The following CSMD1 variants were observed in gnomAD, a reference collection of about 807,000 sequenced individuals.
CSMD1 encodes the protein CUB and Sushi multiple domains 1, also known as CUB and sushi domain-containing protein 1.
A neutral mutation model predicts 417.5 loss-of-function variants in CSMD1; 213 were observed. The ratio of observed to expected loss-of-function variants is 0.51; its 90% CI spans 0.46 to 0.57. CSMD1 has a LOEUF of 0.57. CSMD1 is among the 20% of genes least tolerant of loss of function. CSMD1 has a pLI of 0.00. For missense variants in CSMD1, 6,923 were observed against 4,529.7 expected, an observed-to-expected ratio of 1.53 and a Z score of -15.17; for synonymous variants, 2,862 against 1,736.8, an observed-to-expected ratio of 1.65 and a Z score of -16.11.
chr8:4,290,680 C>G (rs1797312045), intron 3 of CSMD1, among the ~76,000 whole-genome samples: 1 of 152,158 alleles, frequency 6.6e-6, no homozygotes, highest in Admixed American at 6.5e-5. Flanking sequence ...TAAGTAGCAG[C>G]TTCAACTACA....
chr8:4,205,484 A>C (rs1302065120), intron 3 of CSMD1, among the ~76,000 whole-genome samples: 2 of 152,218 alleles, frequency 1.3e-5, no homozygotes, highest in Admixed American at 1.3e-4. Flanking sequence ...TTAGTTCTAC[A>C]AACAAGCCAC....
intron 25 of CSMD1, among the ~76,000 whole-genome samples, chr8:3,300,060 C>A (rs904314159): frequency 1.3e-5 from 2 of 152,212 alleles, no homozygotes; most frequent in South Asian, 4.1e-4. Flanking sequence ...TAAAAACAAC[C>A]TGAATATTCC....
chr8:3,353,178 C>G (rs1808528264), intron 21 of CSMD1, among the ~76,000 whole-genome samples: 1 of 152,116 alleles, frequency 6.6e-6, no homozygotes, highest in South Asian at 2.1e-4. Context: ...CTTGTGATTC[C>G]AAGAGGATAG....
At chr8:3,667,958 G>C (rs759576230) in intron 7 of CSMD1, among the ~76,000 whole-genome samples, 1 of 152,088 alleles carries the variant, frequency 6.6e-6, no homozygotes, top group Non-Finnish European at 1.5e-5. Context: ...TTTCCTCCCT[G>C]CGTCTTTCTA....
chr8:4,474,749 A>G (rs1471395640), intron 2 of CSMD1, among the ~76,000 whole-genome samples: 1 of 152,138 alleles, frequency 6.6e-6, no homozygotes, highest in Admixed American at 6.6e-5. Flanking sequence ...GACAGCAAAT[A>G]CCACACCTCC....
At chr8:3,354,886 T>TAG (rs1808657925) in intron 21 of CSMD1, among the ~76,000 whole-genome samples, 1 of 149,998 alleles carries the variant, frequency 6.7e-6, no homozygotes, top group Non-Finnish European at 1.5e-5. Flanking sequence ...TATCTATAGA[T>TAG]ATGTCTATCT....
At chr8:4,162,177 G>A (rs892727987) in intron 3 of CSMD1, among the ~76,000 whole-genome samples, 7 of 152,096 alleles carry the variant, frequency 4.6e-5, no homozygotes, top group Non-Finnish European at 7.4e-5. Context: ...CCTGCTTTGC[G>A]CAACTTTTCT....
At chr8:4,896,660 AT>A (rs755743292) in intron 1 of CSMD1, among the ~76,000 whole-genome samples, 1 of 152,082 alleles carries the variant, frequency 6.6e-6, no homozygotes, top group Non-Finnish European at 1.5e-5. Flanking sequence ...AATATTGGAA[AT>A]TTTTTCCGGG....
intron 4 of CSMD1, among the ~76,000 whole-genome samples, chr8:4,016,455 G>A (rs1003340658): frequency 6.6e-6 from 1 of 152,130 alleles, no homozygotes; most frequent in Non-Finnish European, 1.5e-5. Context: ...GACGTCTCCA[G>A]GTCTCAGGCC....
intron 3 of CSMD1, among the ~76,000 whole-genome samples, chr8:4,189,340 T>C (rs185988494): frequency 7.2e-5 from 11 of 152,306 alleles, no homozygotes; most frequent in Non-Finnish European, 1.2e-4. Context: ...ACTGTGTTTA[T>C]TAGGAATAAT....
At chr8:4,044,913 G>C (rs1048879813) in intron 3 of CSMD1, among the ~76,000 whole-genome samples, 3 of 147,480 alleles carry the variant, frequency 2.0e-5, no homozygotes, top group Non-Finnish European at 3.0e-5. Context: ...CCCACAAAAA[G>C]TTAAATTTAA....
intron 5 of CSMD1, among the ~76,000 whole-genome samples, chr8:3,994,746 C>G (rs1194046815): frequency 6.6e-6 from 1 of 152,188 alleles, no homozygotes; most frequent in African/African-American, 2.4e-5. Flanking sequence ...TTTAGACTGC[C>G]TCCACTGCTG....
intron 8 of CSMD1, among the ~76,000 whole-genome samples, chr8:3,603,251 T>C (rs560952204): frequency 1.6e-4 from 25 of 152,358 alleles, no homozygotes; most frequent in African/African-American, 6.0e-4. Flanking sequence ...AGTTTCCTAG[T>C]AACCATGAAT....
At chr8:4,842,237 G>A (rs913970065) in intron 1 of CSMD1, among the ~76,000 whole-genome samples, 3 of 152,168 alleles carry the variant, frequency 2.0e-5, no homozygotes, top group African/African-American at 7.2e-5. Context: ...GGGAACCAGG[G>A]AAGTCAAAGC....
chr8:4,416,089 T>C (rs1796922034), intron 3 of CSMD1, among the ~76,000 whole-genome samples: 1 of 152,172 alleles, frequency 6.6e-6, no homozygotes, highest in East Asian at 1.9e-4. Flanking sequence ...CTTTGCCAAT[T>C]GTTATGAAAA....
intron 1 of CSMD1, among the ~76,000 whole-genome samples, chr8:4,686,206 G>T (rs929040546): frequency 8.5e-5 from 13 of 152,196 alleles, no homozygotes; most frequent in South Asian, 2.1e-4. Context: ...TTTGGAGTTA[G>T]TAAGGCTTTT....
At chr8:3,250,526 A>C (rs1048001035) in intron 26 of CSMD1, among the ~76,000 whole-genome samples, 4 of 152,144 alleles carry the variant, frequency 2.6e-5, no homozygotes, top group Non-Finnish European at 4.4e-5. Flanking sequence ...CATACGTATG[A>C]ATGGGTCTTT....
chr8:3,949,243 A>G (rs1228387794), intron 5 of CSMD1, among the ~76,000 whole-genome samples: 1 of 152,202 alleles, frequency 6.6e-6, no homozygotes, highest in East Asian at 1.9e-4. Flanking sequence ...TTTTGAAAAA[A>G]TACAATATAA....
chr8:4,519,165 C>T (rs62479740), intron 2 of CSMD1, among the ~76,000 whole-genome samples: 20,934 of 152,058 alleles, frequency 0.14, 2,000 homozygotes, highest in East Asian at 0.43. Flanking sequence ...AATTATTTAC[C>T]TCTTGCAGTC....
Sources: gnomAD v4.1 joint callset for allele counts (sites outside exome capture counted in the v4.1 genomes callset) on GRCh38, gnomAD v4.1.1 for gene constraint, MANE v1.5 for transcripts, NCBI Gene and HGNC (gene_info 2026-07-23, HGNC 2026-07-21) for gene names.